PCDHGB2: variants seen among roughly 807,000 people sequenced by gnomAD.
PCDHGB2 encodes protocadherin gamma-B2.
Under a neutral mutation model 59.3 loss-of-function variants are expected in PCDHGB2, and 55 were observed. The ratio of observed to expected loss-of-function variants is 0.93; its 90% confidence interval spans 0.75 to 1.16. The LOEUF is 1.16. PCDHGB2 is among the 50% of genes most tolerant of loss of function. PCDHGB2 has a pLI of 0.00. For synonymous variants in PCDHGB2, 516 were observed against 512.0 expected, an observed-to-expected ratio of 1.01 and a Z score of -0.11; for missense variants, 1,228 against 1,198.5, an observed-to-expected ratio of 1.02 and a Z score of -0.36.
chr5:141,373,621 A>G (rs908270659), intron 1 of PCDHGB2, among the ~76,000 whole-genome samples: 1 of 152,256 alleles, frequency 6.6e-6, no homozygotes, highest in Admixed American at 6.5e-5. Flanking sequence ...AGAAGATTGT[A>G]ATATTATTTC....
At chr5:141,371,591 A>C (rs1767870788) in intron 1 of PCDHGB2, 2 of 1,614,016 alleles carry the variant, frequency 1.2e-6, no homozygotes, top group African/African-American at 2.7e-5. Context: ...AAGATACCAA[A>C]AACACATACA....
Position 141,431,939 on chromosome 5 carries a change from T to A in PCDHGB2, c.2422-62868T>A, listed in dbSNP as rs1377573207. The A allele has an allele frequency of 2.2e-5, 35 of 1,613,996 alleles. No individual in the cohort carries two copies. The highest frequency in any genetic ancestry group is 2.9e-5 in the Non-Finnish European group (34 of 1,180,000). On this transcript the variant is annotated intron_variant, in intron 1 of 3. Coordinates refer to ENST00000522605, the MANE Select transcript of PCDHGB2 (RefSeq NM_018923.3). This position sits in a 1 kb window ranked among gnomAD's most constrained non-coding sequence, Gnocchi z 4.8. ...CATCCAAGGAAATCTGCCCTTTAAA[T>A]TAGAAAAATCTTACGGAAATTACTA...
intron 1 of PCDHGB2, chr5:141,365,631 C>A: frequency 1.9e-6 from 3 of 1,613,644 alleles, no homozygotes; most frequent in Non-Finnish European, 2.5e-6. Context: ...CCCCTCTCTA[C>A]AGAAAGCCAC....
intron 1 of PCDHGB2, among the ~76,000 whole-genome samples, chr5:141,380,002 C>A (rs1238165554): frequency 6.9e-6 from 1 of 143,940 alleles, no homozygotes; most frequent in Non-Finnish European, 1.5e-5. Flanking sequence ...TGGGTTCAAG[C>A]GATTCTCCTG....
rs773703641 is a variant in PCDHGB2, at chr5:141,477,856, G to A, written c.2422-16951G>A. On this transcript the variant is annotated intron_variant, in intron 1 of 3. Transcript: ENST00000522605. The surrounding 1 kb of genome is among the most constrained non-coding windows in gnomAD (Gnocchi z 4.9). ...CAGGTGGGAGCTCGGTGGAGATGCT[G>A]CCTCGAGGTACCTCAGCTGGCCACC... is the stretch of plus-strand genomic sequence containing the variant. 6.2e-7 allele frequency: 1 copy of A among 1,613,592 alleles called. No homozygotes were observed. Among genetic ancestry groups the A allele is most frequent in the Admixed American group, 1.7e-5 (1 of 59,976 alleles).
intron 1 of PCDHGB2, chr5:141,411,313 T>C (rs970801897): frequency 6.6e-5 from 10 of 152,224 alleles, no homozygotes; most frequent in African/African-American, 2.4e-4. Context: ...CTCACACCTA[T>C]AATCACAGCA....
rs553104661 is a variant in PCDHGB2 at position 141,460,009 on chromosome 5, C to T, written c.2422-34798C>T. ...AGGAGAATCGCTTGAACCCAGGAGG[C>T]GGAGGTTGCAGTGAGCCGAGACTGC... On this transcript the variant is annotated intron_variant, in intron 1 of 3. Coordinates refer to ENST00000522605, the MANE Select transcript of PCDHGB2 (RefSeq NM_018923.3). 9.9e-4 allele frequency among the ~76,000 whole-genome samples: 150 copies of T among 152,212 alleles called. 1 individual carries two copies. The highest frequency in any genetic ancestry group is 3.4e-3 in the Middle Eastern group (1 of 294).
rs768079276 is a variant in PCDHGB2, at chr5:141,490,997, G to A, written c.2422-3810G>A. On this transcript the variant is annotated intron_variant, in intron 1 of 3. Transcript: ENST00000522605. The surrounding 1 kb of genome is among the most constrained non-coding windows in gnomAD (Gnocchi z 5.4). ...CGTCTCCCTCGCTCTGCTCCTCCTG[G>A]CTCCTTGGTCACCAAGGTGACAGCC... 1.2e-6 allele frequency: 2 copies of A among 1,614,032 alleles called. No individual in the cohort carries two copies. Among genetic ancestry groups the A allele is most frequent in the Admixed American group, 1.7e-5 (1 of 60,030 alleles).
Position 141,489,351 on chromosome 5 carries a change from G to A in PCDHGB2, c.2422-5456G>A, listed in dbSNP as rs2099685862. ...GGCAGCTTCGTTACTCAGTGGTGGAGGAGTCTGAGCCGGGGACGCTGGTGG... is the reference window on the plus strand; with the variant it reads ...GGCAGCTTCGTTACTCAGTGGTGGAAGAGTCTGAGCCGGGGACGCTGGTGG... On this transcript the variant is annotated intron_variant, in intron 1 of 3. Transcript: ENST00000522605. This position sits in a 1 kb window ranked among gnomAD's most constrained non-coding sequence, Gnocchi z 4.5. The A allele has an allele frequency of 6.2e-7, 1 of 1,612,202 alleles. No individual in the cohort carries two copies. The highest frequency in any genetic ancestry group is 1.3e-5 in the African/African-American group (1 of 75,006).
chr5:141,447,541 A>G (rs2098542324), intron 1 of PCDHGB2, among the ~76,000 whole-genome samples: 1 of 152,218 alleles, frequency 6.6e-6, no homozygotes, highest in Non-Finnish European at 1.5e-5. Flanking sequence ...TTGGGTTTTA[A>G]TGTTATGAGT....
chr5:141,490,205 C>A lies in PCDHGB2; in HGVS notation c.2422-4602C>A. 1 of 1,614,168 alleles carries A rather than the reference C, an allele frequency of 6.2e-7. No individual in the cohort carries two copies. The highest frequency in any genetic ancestry group is 8.5e-7 in the Non-Finnish European group (1 of 1,180,004). ...CGTTTCTATGAAATTCATGCAAGAG[C>A]CCGTGACCAGGGACAGCCTGCCATG... On this transcript the variant is annotated intron_variant, in intron 1 of 3. Transcript: ENST00000522605. This position sits in a 1 kb window ranked among gnomAD's most constrained non-coding sequence, Gnocchi z 5.4.
intron 1 of PCDHGB2, chr5:141,398,655 A>G (rs760602313): frequency 3.1e-6 from 5 of 1,614,034 alleles, no homozygotes; most frequent in Non-Finnish European, 4.2e-6. Context: ...CTCTTAACCC[A>G]AGTTTCTCAT....
chr5:141,470,860 T>G (rs2099242265), intron 1 of PCDHGB2, among the ~76,000 whole-genome samples: 1 of 151,788 alleles, frequency 6.6e-6, no homozygotes, highest in South Asian at 2.1e-4. Context: ...GATAAGTTTT[T>G]TGTTTGTTTG....
intron 3 of PCDHGB2, among the ~76,000 whole-genome samples, chr5:141,509,732 C>T (rs931066969): frequency 3.9e-5 from 6 of 152,182 alleles, no homozygotes; most frequent in Non-Finnish European, 5.9e-5. Flanking sequence ...CTAGCTGTGG[C>T]ACTCTGAGCC....
At chr5:141,421,926 C>A in intron 1 of PCDHGB2, 1 of 1,613,460 alleles carries the variant, frequency 6.2e-7, no homozygotes, top group Non-Finnish European at 8.5e-7. Flanking sequence ...GTGTGGTGGT[C>A]CTCGATGTAA....
At chr5:141,383,939 T>C (rs1272507661) in intron 1 of PCDHGB2, 1 of 1,613,738 alleles carries the variant, frequency 6.2e-7, no homozygotes, top group African/African-American at 1.3e-5. Context: ...GCTCCAGAAG[T>C]GACTATGACG....
intron 1 of PCDHGB2, chr5:141,478,679 C>T (rs1247027395): frequency 3.2e-6 from 5 of 1,551,382 alleles, no homozygotes; most frequent in East Asian, 2.4e-5. Flanking sequence ...TCAACTGGCC[C>T]TTCCTAGATC....
chr5:141,503,598 CAAA>C (rs765754054), intron 2 of PCDHGB2, among the ~76,000 whole-genome samples: 9 of 65,742 alleles, frequency 1.4e-4, no homozygotes, highest in Admixed American at 3.4e-4. Context: ...GACTCCAGCT[CAAA>C]AAAAAAAAAA....
intron 1 of PCDHGB2, chr5:141,475,971 C>T (rs750016455): frequency 2.1e-5 from 20 of 954,292 alleles, no homozygotes; most frequent in Non-Finnish European, 2.9e-5. Context: ...GAGGCAGAGA[C>T]TGAACAGCCG....
Sources: allele counts gnomAD v4.1 joint callset (sites outside exome capture counted in the v4.1 genomes callset), GRCh38; gene constraint gnomAD v4.1.1; non-coding constraint Gnocchi (gnomAD v3.1); transcripts MANE v1.5; gene names NCBI Gene and HGNC (gene_info 2026-07-23, HGNC 2026-07-21).